The following KIF1B variants were observed in gnomAD, a reference collection of about 807,000 sequenced individuals.
KIF1B encodes the protein kinesin-like protein KIF1B.
A neutral mutation model predicts 241.9 loss-of-function variants in KIF1B; 76 were observed. The observed-to-expected ratio is 0.31, with a 90% CI of 0.26 to 0.38. The LOEUF is 0.38. KIF1B is among the 10% of genes least tolerant of loss of function. The pLI is 1.00. For missense variants in KIF1B, 1,622 were observed against 2,271.4 expected (o/e 0.71, Z 5.81); for synonymous variants, 750 against 796.7 (o/e 0.94, Z 0.99).
intron 8 of KIF1B, 58 bp from the exon 9 acceptor site, chr1:10,272,183 A>G (rs925041573): frequency 4.9e-6 from 5 of 1,023,816 alleles, no homozygotes; most frequent in Middle Eastern, 2.1e-4. Context: ...TATGTTCTGT[A>G]TGATATAGCA....
Position 10,268,283 on chromosome 1 carries a change from T to G in KIF1B, c.720+20T>G. The G allele has an allele frequency of 6.9e-7, 1 of 1,457,140 alleles. No individual in the cohort carries two copies. The highest frequency in any genetic ancestry group is 9.6e-7 in the Non-Finnish European group (1 of 1,036,932). 90.3% of individuals were successfully genotyped at this position (1,457,140 alleles called of 1,614,324 possible). A position where few individuals can be genotyped will look rare whatever the true frequency, so the allele number is the denominator to read the frequency against. On this transcript the variant is annotated intron_variant, in intron 7 of 48. Coordinates refer to ENST00000676179, the MANE Select transcript of KIF1B (RefSeq NM_001365951.3). ...GAGAAGGTAGGAGAGTTTCAGTCTCTAGGCTTGAGTTGTGAAGGATGGAGA... is the reference window on the plus strand; with the variant it reads ...GAGAAGGTAGGAGAGTTTCAGTCTCGAGGCTTGAGTTGTGAAGGATGGAGA...
chr1:10,363,365 G>A lies in KIF1B; in HGVS notation c.4366+21G>A, dbSNP rs772869064. On this transcript the variant is annotated intron_variant, in intron 41 of 48. Transcript: ENST00000676179. The stretch of plus-strand genomic sequence containing the variant: ...TCCAGGTAAGCTCTTGTGGATTGAG[G>A]AGGTGATAGTTATCTTTGTGTATGT... 4.4e-6 allele frequency: 7 copies of A among 1,588,118 alleles called. No individual in the cohort carries two copies. The Admixed American group carries it at 1.2e-4, about 26-fold the overall frequency.
intron 1 of KIF1B, among the ~76,000 whole-genome samples, chr1:10,221,050 G>A (rs949163591): frequency 2.0e-5 from 3 of 149,416 alleles, no homozygotes; most frequent in Non-Finnish European, 3.0e-5. Context: ...GAGACTACTC[G>A]TGTATAGTCT....
rs572126781 is a variant in KIF1B at position 10,303,122 on chromosome 1, T to C, written c.2115+5876T>C. The C allele has an allele frequency of 4.0e-5, 63 of 1,588,568 alleles. No individual in the cohort carries two copies. The highest frequency in any genetic ancestry group is 1.5e-4 in the Admixed American group (8 of 54,016). ...ATTTTCCTTTTTTACATTTTAATTT[T>C]GGTTATTTTGGGGCCATTTTTTGAT... On this transcript the variant is annotated intron_variant, in intron 22 of 48. Coordinates refer to ENST00000676179, the MANE Select transcript of KIF1B (RefSeq NM_001365951.3). The surrounding 1 kb of genome is among the most constrained non-coding windows in gnomAD (Gnocchi z 5.2).
chr1:10,211,238 T>C (rs540118654), intron 1 of KIF1B, among the ~76,000 whole-genome samples: 1 of 152,350 alleles, frequency 6.6e-6, no homozygotes, highest in East Asian at 1.9e-4. Context: ...GTGCTTCGTT[T>C]GAAGCCATCG....
rs75006767 is a variant in KIF1B, at chr1:10,232,630, C to G, written c.106+196C>G. Among the ~76,000 whole-genome samples, 4,729 of 152,170 alleles carry G rather than the reference C, an allele frequency of 0.031. 242 individuals are homozygous for G. The highest frequency in any genetic ancestry group is 0.11 in the African/African-American group (4,490 of 41,500). ...TTAAATATGGACTATTTATTTTACCCTGTACAATTGAGAAACCCTGAATAA... is the reference window on the plus strand; with the variant it reads ...TTAAATATGGACTATTTATTTTACCGTGTACAATTGAGAAACCCTGAATAA... On this transcript the variant is annotated intron_variant, in intron 2 of 48. Transcript: ENST00000676179.
At chr1:10,295,049 G>A in intron 17 of KIF1B, 37 bp from the exon 18 acceptor site, 3 of 1,362,494 alleles carry the variant, frequency 2.2e-6, no homozygotes, top group Non-Finnish European at 3.2e-6. Context: ...CTCTCATGGT[G>A]CCCTGCTCCA....
At chr1:10,361,122 G>A (rs1052911745) in intron 39 of KIF1B, 79 bp downstream of exon 39, 11 of 920,552 alleles carry the variant, frequency 1.2e-5, no homozygotes, top group Middle Eastern at 5.3e-4. Context: ...AGTGGTCAGC[G>A]AAGATTCCAC....
intron 2 of KIF1B, among the ~76,000 whole-genome samples, chr1:10,241,245 G>A (rs1431540780): frequency 2.0e-5 from 3 of 151,660 alleles, no homozygotes; most frequent in Non-Finnish European, 2.9e-5. Context: ...CTAGTAGCTG[G>A]GGCTACAGCC....
At position 10,303,587 on chromosome 1, in the gene KIF1B, A is replaced by G; in HGVS notation, c.2115+6341A>G. The G allele has an allele frequency of 6.2e-7, 1 of 1,614,188 alleles. No homozygotes were observed. Among genetic ancestry groups the G allele is most frequent in the Middle Eastern group, 1.6e-4 (1 of 6,062 alleles). Reference sequence around the variant, plus strand: ...TGGGATACCGTCGGTGTTGGGGATGAGAAGATCGAAGACGTCATGGCCACT... The same window carrying G: ...TGGGATACCGTCGGTGTTGGGGATGGGAAGATCGAAGACGTCATGGCCACT... On this transcript the variant is annotated intron_variant, in intron 22 of 48. Transcript: ENST00000676179. The surrounding 1 kb of genome is among the most constrained non-coding windows in gnomAD (Gnocchi z 5.2).
chr1:10,304,278 C>A, intron 22 of KIF1B: 1 of 1,614,184 alleles, frequency 6.2e-7, no homozygotes, highest in Non-Finnish European at 8.5e-7. Context: ...AAGATCACAT[C>A]CAAGTTAGCA....
chr1:10,321,979 C>A, intron 24 of KIF1B, 122 bp downstream of exon 24: 1 of 1,003,054 alleles, frequency 1.0e-6, no homozygotes, highest in Non-Finnish European at 1.5e-6. Context: ...TGCTATAAAA[C>A]AGCTTTATAT....
intron 26 of KIF1B, 68 bp downstream of exon 26, chr1:10,324,963 C>A: frequency 6.4e-7 from 1 of 1,562,656 alleles, no homozygotes. Context: ...AAAACCTGAG[C>A]AGATAATATA....
chr1:10,372,687 C>T (rs547297923), intron 45 of KIF1B, among the ~76,000 whole-genome samples: 63 of 128,650 alleles, frequency 4.9e-4, no homozygotes, highest in Non-Finnish European at 6.0e-4. Flanking sequence ...TGGCGCGCAG[C>T]GGCGCAATCT....
intron 22 of KIF1B, chr1:10,306,639 G>A: frequency 1.7e-6 from 1 of 605,470 alleles, no homozygotes; most frequent in Non-Finnish European, 2.2e-6. Flanking sequence ...CAGGACGGGT[G>A]AACCCAGCCC....
rs145733356 is a variant in KIF1B, at chr1:10,307,385, C to T, written c.2115+10139C>T. ...AGTGCAGTGGCACAATCTCAGCTCA[C>T]TGCAACCTCTGCCTCCTGGGTTCAA... On this transcript the variant is annotated intron_variant, in intron 22 of 48. Coordinates refer to ENST00000676179, the MANE Select transcript of KIF1B (RefSeq NM_001365951.3). The T allele has an allele frequency of 1.4e-3, 912 of 654,874 alleles. 9 individuals are homozygous for T. In the African/African-American group the frequency reaches 0.016, roughly 12 times the overall value. The allele number at this position is 654,874 out of a possible 1,614,324, so 40.6% of individuals were successfully genotyped here.
At chr1:10,263,224 C>T (rs2102196541) in intron 5 of KIF1B, among the ~76,000 whole-genome samples, 1 of 151,206 alleles carries the variant, frequency 6.6e-6, no homozygotes, top group African/African-American at 2.4e-5. Flanking sequence ...GCAGAGGTTA[C>T]AGTGAGCCGA....
intron 2 of KIF1B, among the ~76,000 whole-genome samples, chr1:10,235,351 CAA>C (rs151070514): frequency 0.026 from 3,954 of 152,268 alleles, 193 homozygotes; most frequent in African/African-American, 0.089. Flanking sequence ...CTCCTGGGCT[CAA>C]GTGATCCTCC....
chr1:10,212,882 G>T (rs1646711071), intron 1 of KIF1B, among the ~76,000 whole-genome samples: 1 of 88,292 alleles, frequency 1.1e-5, no homozygotes, highest in Admixed American at 1.3e-4. Context: ...GTGTGTGCAT[G>T]CGTGTGTGTA....
Sources: allele counts gnomAD v4.1 joint callset (sites outside exome capture counted in the v4.1 genomes callset), GRCh38; gene constraint gnomAD v4.1.1; non-coding constraint Gnocchi (gnomAD v3.1); transcripts MANE v1.5; gene names NCBI Gene and HGNC (gene_info 2026-07-23, HGNC 2026-07-21).